Variants in RAB7B observed in about 807,000 individuals in gnomAD.
RAB7B encodes the protein RAB7B, member RAS oncogene family.
chr1:205,990,934 C>G (rs1172552163), intron 4 of RAB7B, among the ~76,000 whole-genome samples: 1 of 151,900 alleles, frequency 6.6e-6, no homozygotes, highest in Non-Finnish European at 1.5e-5. Context: ...ATTACAGATG[C>G]CCACCACCAC....
rs1002300336 is a variant in RAB7B at position 205,992,843 on chromosome 1, G to A, written c.181-148C>T. 1.3e-4 allele frequency: 53 copies of A among 396,854 alleles called. No individual in the cohort carries two copies. In the South Asian group the frequency reaches 5.7e-3, roughly 43 times the overall value. The allele number at this position is 396,854 out of a possible 1,614,324, so 24.6% of individuals were successfully genotyped here. ...ATATGGTTCTTTCACACCGTGGCACGTTGACCCTCCCACCCACATACACTC... is the reference window on the plus strand; with the variant it reads ...ATATGGTTCTTTCACACCGTGGCACATTGACCCTCCCACCCACATACACTC... On this transcript the variant is annotated intron_variant, in intron 3 of 5. Transcript: ENST00000617070.
At chr1:205,989,038 G>A (rs2102637596) in intron 4 of RAB7B, among the ~76,000 whole-genome samples, 1 of 151,968 alleles carries the variant, frequency 6.6e-6, no homozygotes, top group South Asian at 2.1e-4. Context: ...CTGTCGCTCA[G>A]TGCCTCCTCC....
At chr1:205,988,073 G>T (rs1660645091) in intron 4 of RAB7B, among the ~76,000 whole-genome samples, 1 of 151,898 alleles carries the variant, frequency 6.6e-6, no homozygotes, top group Non-Finnish European at 1.5e-5. Context: ...CAGTTCATGG[G>T]CATTCGGTAC....
Position 205,991,060 on chromosome 1 carries a change from T to C in RAB7B, c.396+1420A>G, listed in dbSNP as rs998343157. Among the ~76,000 whole-genome samples, 8 of 152,256 alleles carry C rather than the reference T, an allele frequency of 5.3e-5. No homozygotes were observed. The East Asian group carries it at 1.5e-3, about 29-fold the overall frequency. On this transcript the variant is annotated intron_variant, in intron 4 of 5. Coordinates refer to ENST00000617070, the MANE Select transcript of RAB7B (RefSeq NM_001164522.3). ...TGCTGGGATTACAGGCGTGAGCCAC[T>C]GTGCCCGGCCAAGACTGTCTTATGA...
intron 4 of RAB7B, among the ~76,000 whole-genome samples, chr1:205,991,432 A>G (rs991954589): frequency 6.6e-6 from 1 of 152,230 alleles, no homozygotes; most frequent in Non-Finnish European, 1.5e-5. Context: ...TATTTCCAGC[A>G]CAGACTTCTC....
In RAB7B at chr1:205,986,641, T is replaced by C. The variant is rs902956169; in HGVS notation, c.397-976A>G. 8.4e-3 allele frequency among the ~76,000 whole-genome samples: 1,273 copies of C among 152,332 alleles called. 15 individuals carry two copies. The highest frequency in any genetic ancestry group is 0.029 in the African/African-American group (1,220 of 41,574). On this transcript the variant is annotated intron_variant, in intron 4 of 5. Coordinates refer to ENST00000617070, the MANE Select transcript of RAB7B (RefSeq NM_001164522.3). ...AGTGCAAACGGCGTTCAATTTGTGA[T>C]GTTGGCTTGGAAATGCTCTGGAAGC... is the stretch of plus-strand genomic sequence containing the variant.
At chr1:205,983,942 T>G (rs1317368614) in intron 5 of RAB7B, 1 of 152,204 alleles carries the variant, frequency 6.6e-6, no homozygotes, top group Non-Finnish European at 1.5e-5. Flanking sequence ...GTGCTAAGCA[T>G]GCACAGACAC....
intron 1 of RAB7B, among the ~76,000 whole-genome samples, chr1:206,001,154 G>A (rs1354140154): frequency 6.6e-6 from 1 of 152,150 alleles, no homozygotes; most frequent in Non-Finnish European, 1.5e-5. Flanking sequence ...GACCAGGTCC[G>A]TGGGAAGTGG....
rs950222826 is a variant in RAB7B at position 205,977,889 on chromosome 1, A to G, written c.*962T>C. 6.6e-6 allele frequency: 1 copy of G among 152,052 alleles called. No individual in the cohort carries two copies. Among genetic ancestry groups the G allele is most frequent in the African/African-American group, 2.4e-5 (1 of 41,384 alleles). The allele number at this position is 152,052 out of a possible 1,614,324, so 9.4% of individuals were successfully genotyped here. ...AACTCATCCCACCCCCTGTCACTCTATCCCATTACCCTGTTTCCCTTTGTT... is the reference window on the plus strand; with the variant it reads ...AACTCATCCCACCCCCTGTCACTCTGTCCCATTACCCTGTTTCCCTTTGTT... On this transcript the variant is annotated 3_prime_UTR_variant, in exon 6 of 6. Coordinates refer to ENST00000617070, the MANE Select transcript of RAB7B (RefSeq NM_001164522.3).
intron 4 of RAB7B, among the ~76,000 whole-genome samples, chr1:205,991,065 C>T (rs1484355753): frequency 2.6e-5 from 4 of 152,164 alleles, no homozygotes; most frequent in Non-Finnish European, 5.9e-5. Context: ...GCCACTGTGC[C>T]CGGCCAAGAC....
At chr1:205,997,156 T>C (rs1328749724) in intron 1 of RAB7B, among the ~76,000 whole-genome samples, 1 of 152,188 alleles carries the variant, frequency 6.6e-6, no homozygotes, top group African/African-American at 2.4e-5. Context: ...ATGGGTCTTC[T>C]TGATGGTTCA....
At chr1:205,994,722 T>C (rs2102641798) in intron 1 of RAB7B, among the ~76,000 whole-genome samples, 1 of 152,342 alleles carries the variant, frequency 6.6e-6, no homozygotes, top group Non-Finnish European at 1.5e-5. Context: ...AAAATGTTCC[T>C]GCCCTCCACT....
At chr1:205,982,086 T>G (rs1246370530) in intron 5 of RAB7B, among the ~76,000 whole-genome samples, 1 of 152,238 alleles carries the variant, frequency 6.6e-6, no homozygotes, top group Non-Finnish European at 1.5e-5. Flanking sequence ...ATTGCTCTCT[T>G]TACTACAAGG....
chr1:205,996,554 G>A lies in RAB7B; in HGVS notation c.-16-2403C>T, dbSNP rs1006212136. Among the ~76,000 whole-genome samples the A allele has an allele frequency of 5.9e-3, 902 of 152,272 alleles. 5 individuals are homozygous for A. Among genetic ancestry groups the A allele is most frequent in the Middle Eastern group, 0.014 (4 of 294 alleles). On this transcript the variant is annotated intron_variant, in intron 1 of 5. Transcript: ENST00000617070. ...CTTGGTGAAAAATGCTTTATCTGCT[G>A]GAGCTGGACCTCATTGGCCATGAGA...
intron 4 of RAB7B, among the ~76,000 whole-genome samples, chr1:205,990,790 TC>T (rs1449120084): frequency 3.1e-4 from 3 of 9,752 alleles, no homozygotes; most frequent in African/African-American, 7.0e-4. Context: ...TTTCTTTCTT[TC>T]TTTTTTTTTT....
At chr1:205,996,122 A>G (rs1230154094) in intron 1 of RAB7B, among the ~76,000 whole-genome samples, 4 of 144,606 alleles carry the variant, frequency 2.8e-5, no homozygotes, top group East Asian at 2.0e-4. Context: ...TCTTGTTCCT[A>G]TAAGAGAAAT....
intron 5 of RAB7B, among the ~76,000 whole-genome samples, chr1:205,983,507 T>C (rs2102632205): frequency 6.6e-6 from 1 of 152,342 alleles, no homozygotes; most frequent in Non-Finnish European, 1.5e-5. Context: ...TCAAGTGCTC[T>C]GAGGGCTGTG....
chr1:205,995,204 A>T (rs1450895863), intron 1 of RAB7B, among the ~76,000 whole-genome samples: 1 of 152,156 alleles, frequency 6.6e-6, no homozygotes, highest in Non-Finnish European at 1.5e-5. Context: ...GCATGTGTAC[A>T]TATGTAATAA....
rs1660408976 is a variant in RAB7B, at chr1:205,977,676, T to C, written c.*1175A>G. 1.3e-5 allele frequency: 2 copies of C among 152,230 alleles called. No individual in the cohort carries two copies. Among genetic ancestry groups the C allele is most frequent in the South Asian group, 4.1e-4 (2 of 4,828 alleles). The allele number at this position is 152,230 out of a possible 1,614,324, so 9.4% of individuals were successfully genotyped here. ...CAGCTTTGAGTATTAGGTCAATGGA[T>C]GTCCTTTCACTGTTCCTGGAACATG... On this transcript the variant is annotated 3_prime_UTR_variant, in exon 6 of 6. Coordinates refer to ENST00000617070, the MANE Select transcript of RAB7B (RefSeq NM_001164522.3).
Sources: gnomAD v4.1 joint callset for allele counts (sites outside exome capture counted in the v4.1 genomes callset) on GRCh38, gnomAD v4.1.1 for gene constraint, MANE v1.5 for transcripts, NCBI Gene and HGNC (gene_info 2026-07-23, HGNC 2026-07-21) for gene names.